The following CABCOCO1 variants were observed in gnomAD, a reference collection of about 807,000 sequenced individuals.
CABCOCO1 encodes the protein ciliary associated calcium binding coiled-coil 1.
Under a neutral mutation model 35.7 loss-of-function variants are expected in CABCOCO1, and 28 were observed. That is an observed-to-expected ratio of 0.78 (90% CI 0.58 to 1.07). The LOEUF (loss-of-function observed/expected upper bound fraction) is 1.07. CABCOCO1 is among the 50% of genes least tolerant of loss of function. CABCOCO1 has a pLI of 0.00. For missense variants in CABCOCO1, 326 were observed against 309.2 expected, an observed-to-expected ratio of 1.05 and a Z score of -0.41; for synonymous variants, 95 against 100.1, an observed-to-expected ratio of 0.95 and a Z score of 0.30.
At chr10:61,755,369 G>A (rs1043691164) in intron 5 of CABCOCO1, among the ~76,000 whole-genome samples, 1 of 152,006 alleles carries the variant, frequency 6.6e-6, no homozygotes, top group African/African-American at 2.4e-5. Context: ...CTTCAAGGGG[G>A]GGAAAATAGT....
intron 5 of CABCOCO1, among the ~76,000 whole-genome samples, chr10:61,748,124 G>A (rs1266097662): frequency 1.3e-5 from 2 of 151,594 alleles, no homozygotes; most frequent in African/African-American, 4.9e-5. Context: ...TGATGTATAG[G>A]TTGTATTGGG....
intron 3 of CABCOCO1, among the ~76,000 whole-genome samples, chr10:61,683,753 C>T (rs1003308809): frequency 1.3e-5 from 2 of 152,038 alleles, no homozygotes; most frequent in African/African-American, 4.8e-5. Context: ...ATATTTTAAT[C>T]ACATCACTAA....
chr10:61,744,981 T>C (rs1350703388), intron 5 of CABCOCO1, among the ~76,000 whole-genome samples: 1 of 152,180 alleles, frequency 6.6e-6, no homozygotes, highest in African/African-American at 2.4e-5. Context: ...GTCTAGTCTT[T>C]TGAAAGGATA....
chr10:61,681,360 A>G, intron 3 of CABCOCO1, 48 bp downstream of exon 3: 2 of 1,368,468 alleles, frequency 1.5e-6, no homozygotes, highest in Non-Finnish European at 1.0e-6. Flanking sequence ...AATTTACCAT[A>G]TAAATTGAGG....
At chr10:61,740,952 G>A (rs1841536792) in intron 5 of CABCOCO1, among the ~76,000 whole-genome samples, 1 of 152,060 alleles carries the variant, frequency 6.6e-6, no homozygotes, top group Admixed American at 6.6e-5. Flanking sequence ...TTCGAGACCA[G>A]CCTGACCAAC....
At chr10:61,756,028 A>C (rs1020766642) in intron 5 of CABCOCO1, among the ~76,000 whole-genome samples, 1 of 152,006 alleles carries the variant, frequency 6.6e-6, no homozygotes, top group African/African-American at 2.4e-5. Flanking sequence ...GCAAATTTTT[A>C]AAAGATTTCT....
intron 5 of CABCOCO1, among the ~76,000 whole-genome samples, chr10:61,724,851 T>C (rs1405154391): frequency 1.3e-5 from 2 of 152,108 alleles, no homozygotes; most frequent in African/African-American, 4.8e-5. Flanking sequence ...TTAGGAGATA[T>C]ACCTAATGTA....
intron 1 of CABCOCO1, among the ~76,000 whole-genome samples, chr10:61,670,617 G>A (rs1193453497): frequency 6.6e-6 from 1 of 152,056 alleles, no homozygotes; most frequent in South Asian, 2.1e-4. Context: ...GTAAACTACC[G>A]CAAGGCAGTT....
intron 5 of CABCOCO1, among the ~76,000 whole-genome samples, chr10:61,720,644 C>T (rs1442472394): frequency 6.6e-6 from 1 of 151,892 alleles, no homozygotes; most frequent in Non-Finnish European, 1.5e-5. Flanking sequence ...TGGTGTAAAA[C>T]GGTATAATGT....
chr10:61,693,273 CT>C (rs1213721439), intron 5 of CABCOCO1, among the ~76,000 whole-genome samples: 2 of 152,106 alleles, frequency 1.3e-5, no homozygotes, highest in Non-Finnish European at 2.9e-5. Flanking sequence ...TTTGCTAACC[CT>C]TGGTACAAAT....
At chr10:61,712,797 C>A (rs938736890) in intron 5 of CABCOCO1, among the ~76,000 whole-genome samples, 3 of 152,128 alleles carry the variant, frequency 2.0e-5, no homozygotes, top group African/African-American at 7.2e-5. Flanking sequence ...TCAGGTTTGT[C>A]AAAGATCCGA....
chr10:61,733,234 T>C (rs1200143626), intron 5 of CABCOCO1, among the ~76,000 whole-genome samples: 2 of 152,046 alleles, frequency 1.3e-5, no homozygotes, highest in Admixed American at 1.3e-4. Context: ...TTTAAAGCAT[T>C]ATATAATTTT....
chr10:61,743,978 C>T (rs34799929), intron 5 of CABCOCO1, among the ~76,000 whole-genome samples: 2,359 of 152,242 alleles, frequency 0.015, 38 homozygotes, highest in East Asian at 0.045. Context: ...AGTGCCCCCA[C>T]CACCCACACA....
intron 5 of CABCOCO1, among the ~76,000 whole-genome samples, chr10:61,714,207 G>A (rs993700871): frequency 4.6e-5 from 7 of 151,874 alleles, no homozygotes; most frequent in African/African-American, 1.2e-4. Context: ...TGGTCTATTC[G>A]GAGATTCAAC....
chr10:61,680,401 T>TAC (rs1340532705), intron 2 of CABCOCO1, among the ~76,000 whole-genome samples: 1 of 131,560 alleles, frequency 7.6e-6, no homozygotes, highest in Non-Finnish European at 1.6e-5. Flanking sequence ...TATATTTTTA[T>TAC]ATATAACATA....
intron 5 of CABCOCO1, among the ~76,000 whole-genome samples, chr10:61,743,041 C>A (rs1841583786): frequency 6.6e-6 from 1 of 152,134 alleles, no homozygotes; most frequent in African/African-American, 2.4e-5. Context: ...AAAGCAGCCG[C>A]AGATTTTAGC....
chr10:61,668,900 GGATTAAAA>G (rs1237995137), intron 1 of CABCOCO1, among the ~76,000 whole-genome samples: 4 of 150,786 alleles, frequency 2.7e-5, no homozygotes, highest in Non-Finnish European at 5.9e-5. Flanking sequence ...AAACCCTGAT[GGATTAAAA>G]TTTTCAGTAA....
chr10:61,757,550 G>A (rs1841923091), intron 5 of CABCOCO1, among the ~76,000 whole-genome samples: 1 of 151,914 alleles, frequency 6.6e-6, no homozygotes, highest in Non-Finnish European at 1.5e-5. Context: ...AGTTATATGG[G>A]CTACACTCAT....
At chr10:61,723,515 C>G (rs922584945) in intron 5 of CABCOCO1, among the ~76,000 whole-genome samples, 1 of 152,092 alleles carries the variant, frequency 6.6e-6, no homozygotes, top group Non-Finnish European at 1.5e-5. Flanking sequence ...CTCAGATTGC[C>G]ATAGCCAAGC....
Sources: allele counts gnomAD v4.1 joint callset (sites outside exome capture counted in the v4.1 genomes callset), GRCh38; gene constraint gnomAD v4.1.1; transcripts MANE v1.5; gene names NCBI Gene and HGNC (gene_info 2026-07-23, HGNC 2026-07-21).